Variants in PCDHA5 observed in about 807,000 individuals in gnomAD.
The protein encoded by PCDHA5 is protocadherin alpha 5, also known as protocadherin alpha-5.
A neutral mutation model predicts 61.6 loss-of-function variants in PCDHA5; 43 were observed. The ratio of observed to expected loss-of-function variants is 0.70; its 90% CI spans 0.55 to 0.90. The LOEUF (loss-of-function observed/expected upper bound fraction) is 0.90. Among genes scored for constraint, PCDHA5 ranks in the 40% least tolerant of loss-of-function variants. The probability of loss-of-function intolerance (pLI) is 0.00; values close to 1 mark genes in which losing one functional copy is unlikely to be tolerated. For synonymous variants in PCDHA5, 627 were observed against 543.9 expected, an observed-to-expected ratio of 1.15 and a Z score of -2.13; for missense variants, 1,298 against 1,222.7, an observed-to-expected ratio of 1.06 and a Z score of -0.92.
chr5:140,973,203 A>T (rs1554234958), intron 1 of PCDHA5, among the ~76,000 whole-genome samples: 1 of 152,196 alleles, frequency 6.6e-6, no homozygotes, highest in Non-Finnish European at 1.5e-5. Flanking sequence ...ATGTGTGCAT[A>T]TTCACCCTAA....
intron 1 of PCDHA5, among the ~76,000 whole-genome samples, chr5:140,831,520 CTTTTT>C (rs2150195630): frequency 0.11 from 13,870 of 122,344 alleles, 1,092 homozygotes; most frequent in African/African-American, 0.22. Flanking sequence ...TGCCCCCCAC[CTTTTT>C]TTTTTTTTTT....
Position 140,823,074 on chromosome 5 carries a change from G to T in PCDHA5, c.1299G>T (p.Ser433=), listed in dbSNP as rs2150121971. ...VVTARDGGSP[S]LWATASVSVE... ...CCGCGCGGGACGGGGGCTCGCCTTC[G>T]CTGTGGGCCACCGCCAGCGTGTCTG... Residue 433 remains serine, a synonymous_variant, in exon 1 of 4, where the codon TCG becomes TCT. Transcript: ENST00000529859. 3.1e-6 allele frequency: 5 copies of T among 1,613,698 alleles called. No homozygotes were observed. The highest frequency in any genetic ancestry group is 1.1e-5 in the South Asian group (1 of 91,072).
At chr5:140,959,541 C>T (rs2095493793) in intron 1 of PCDHA5, among the ~76,000 whole-genome samples, 1 of 152,002 alleles carries the variant, frequency 6.6e-6, no homozygotes, top group Non-Finnish European at 1.5e-5. Flanking sequence ...TTCAGAGATG[C>T]TGTATAAATA....
Position 140,832,155 on chromosome 5 carries a change from G to A in PCDHA5, c.2352+8028G>A, listed in dbSNP as rs139131870. Reference sequence around the variant, plus strand: ...AAGTTGAAAATTGAATTAAGACTTGGACAGTGGAAAAGTTTTATGAATTCA... The same window carrying A: ...AAGTTGAAAATTGAATTAAGACTTGAACAGTGGAAAAGTTTTATGAATTCA... On this transcript the variant is annotated intron_variant, in intron 1 of 3. Transcript: ENST00000529859. Among the ~76,000 whole-genome samples the A allele has an allele frequency of 1.4e-3, 211 of 152,314 alleles. 2 individuals are homozygous for A. The highest frequency in any genetic ancestry group is 4.6e-3 in the African/African-American group (192 of 41,574).
chr5:140,874,053 CAATTT>C (rs1290519215), intron 1 of PCDHA5, among the ~76,000 whole-genome samples: 1 of 152,190 alleles, frequency 6.6e-6, no homozygotes, highest in Non-Finnish European at 1.5e-5. Flanking sequence ...TGATATTAGA[CAATTT>C]AAATAATTAG....
chr5:140,856,891 C>G (rs1432277991), intron 1 of PCDHA5: 3 of 1,595,930 alleles, frequency 1.9e-6, no homozygotes, highest in African/African-American at 2.7e-5. Context: ...ATTCATTTAG[C>G]TCTTTGGTCC....
intron 1 of PCDHA5, among the ~76,000 whole-genome samples, chr5:140,906,844 G>C (rs1295549477): frequency 6.6e-6 from 1 of 152,192 alleles, no homozygotes; most frequent in Non-Finnish European, 1.5e-5. Context: ...TTCATCTTGA[G>C]AGTCTGGGTC....
At chr5:140,894,989 C>T (rs1446674371) in intron 1 of PCDHA5, among the ~76,000 whole-genome samples, 2 of 152,110 alleles carry the variant, frequency 1.3e-5, no homozygotes, top group Non-Finnish European at 2.9e-5. Context: ...TTGTGACATC[C>T]TTTACCCTTT....
chr5:140,879,838 A>G (rs73793511), intron 1 of PCDHA5, among the ~76,000 whole-genome samples: 3,913 of 152,230 alleles, frequency 0.026, 159 homozygotes, highest in African/African-American at 0.089. Flanking sequence ...TTGTGGCTGT[A>G]CCACTCCCAT....
intron 1 of PCDHA5, chr5:140,882,132 A>G: frequency 6.8e-7 from 1 of 1,475,878 alleles, no homozygotes; most frequent in Non-Finnish European, 9.1e-7. Flanking sequence ...TTCTTCCTGC[A>G]GAAAATATAG....
At chr5:140,934,228 G>A (rs1238284158) in intron 1 of PCDHA5, among the ~76,000 whole-genome samples, 2 of 151,884 alleles carry the variant, frequency 1.3e-5, no homozygotes, top group African/African-American at 4.8e-5. Flanking sequence ...TAAAAGATTT[G>A]TACTTAATTG....
intron 1 of PCDHA5, chr5:140,884,750 A>T (rs1032518651): frequency 8.1e-5 from 116 of 1,431,120 alleles, no homozygotes; most frequent in Non-Finnish European, 1.2e-5. Context: ...TGCCAATTTC[A>T]AATTATTCTT....
chr5:140,906,889 G>T (rs1397235059), intron 1 of PCDHA5, among the ~76,000 whole-genome samples: 1 of 152,172 alleles, frequency 6.6e-6, no homozygotes, highest in Non-Finnish European at 1.5e-5. Flanking sequence ...TTCCTTCTTA[G>T]ATTGTTGGTT....
chr5:140,828,176 G>T (rs782133322), intron 1 of PCDHA5: 2 of 1,614,128 alleles, frequency 1.2e-6, no homozygotes, highest in Non-Finnish European at 1.7e-6. Flanking sequence ...GGTGGGGAGC[G>T]GCCAGCTCCA....
rs150829264 is a variant in PCDHA5 at position 140,948,791 on chromosome 5, A to G, written c.2353-30158A>G. 2.3e-3 allele frequency among the ~76,000 whole-genome samples: 342 copies of G among 151,342 alleles called. 1 individual carries two copies. Among genetic ancestry groups the G allele is most frequent in the Non-Finnish European group, 4.4e-3 (295 of 67,454 alleles). ...ATAGCCAGCTTTTGGCTTTGTTGAT[A>G]TATTTTCTATTGTTTGGTTTCTATT... On this transcript the variant is annotated intron_variant, in intron 1 of 3. Coordinates refer to ENST00000529859, the MANE Select transcript of PCDHA5 (RefSeq NM_018908.3).
chr5:140,972,152 A>AT (rs1203762947), intron 1 of PCDHA5, among the ~76,000 whole-genome samples: 3 of 151,770 alleles, frequency 2.0e-5, no homozygotes, highest in East Asian at 3.9e-4. Context: ...TTTTATTTTT[A>AT]TTTTTTTGAG....
chr5:140,850,695 C>T lies in PCDHA5; in HGVS notation c.2352+26568C>T, dbSNP rs2150494737. 6 of 1,598,304 alleles carry T rather than the reference C, an allele frequency of 3.8e-6. No homozygotes were observed. The South Asian group carries it at 5.5e-5, about 15-fold the overall frequency. On this transcript the variant is annotated intron_variant, in intron 1 of 3. Transcript: ENST00000529859. Reference sequence around the variant, plus strand: ...GATGCCCACCGAGGGCGAGTGCGCGCCTGGCAAGCCGACGCTGGTGTGTTC... The same window carrying T: ...GATGCCCACCGAGGGCGAGTGCGCGTCTGGCAAGCCGACGCTGGTGTGTTC...
intron 1 of PCDHA5, among the ~76,000 whole-genome samples, chr5:140,872,813 A>G (rs2053916797): frequency 6.6e-6 from 1 of 152,208 alleles, no homozygotes; most frequent in Non-Finnish European, 1.5e-5. Flanking sequence ...TAAGTTTTTC[A>G]GATTCATCTA....
chr5:140,861,110 T>C (rs2046757682), intron 1 of PCDHA5: 1 of 152,560 alleles, frequency 6.6e-6, no homozygotes, highest in Non-Finnish European at 1.5e-5. Flanking sequence ...CTTTAAAAAC[T>C]ACAAACACCC....
Sources: gnomAD v4.1 joint callset for allele counts (sites outside exome capture counted in the v4.1 genomes callset) on GRCh38, gnomAD v4.1.1 for gene constraint, MANE v1.5 for transcripts, NCBI Gene and HGNC (gene_info 2026-07-23, HGNC 2026-07-21) for gene names.